GRIK2: variants seen among roughly 807,000 people sequenced by gnomAD.
The protein encoded by GRIK2 is glutamate receptor ionotropic, kainate 2.
Under a neutral mutation model 100.3 loss-of-function variants are expected in GRIK2, and 32 were observed. The observed-to-expected ratio is 0.32, with a 90% confidence interval of 0.24 to 0.43. The LOEUF (loss-of-function observed/expected upper bound fraction) is 0.43. Ranked by LOEUF, GRIK2 falls within the 20% of genes least tolerant of loss-of-function variation. The pLI, the probability that GRIK2 is intolerant of heterozygous loss-of-function variation, is 1.00. For synonymous variants in GRIK2, 417 were observed against 389.4 expected, an observed-to-expected ratio of 1.07 and a Z score of -0.83; for missense variants, 843 against 1,114.9, an observed-to-expected ratio of 0.76 and a Z score of 3.47.
At chr6:101,837,461 A>G (rs1042138275) in intron 10 of GRIK2, among the ~76,000 whole-genome samples, 1 of 152,202 alleles carries the variant, frequency 6.6e-6, no homozygotes, top group African/African-American at 2.4e-5. Flanking sequence ...TGATTGTGTT[A>G]ATCATTTCAT....
chr6:101,514,931 G>A (rs1358327979), intron 2 of GRIK2, among the ~76,000 whole-genome samples: 1 of 151,972 alleles, frequency 6.6e-6, no homozygotes, highest in African/African-American at 2.4e-5. Context: ...ATTGGGGTAC[G>A]GGAGGTACTT....
chr6:101,407,881 A>C (rs975923447), intron 2 of GRIK2, among the ~76,000 whole-genome samples: 2 of 152,178 alleles, frequency 1.3e-5, no homozygotes, highest in African/African-American at 4.8e-5. Context: ...TGCGGGCTTA[A>C]GTTTTTCCAG....
At chr6:101,945,147 T>C (rs533707412) in intron 14 of GRIK2, among the ~76,000 whole-genome samples, 2 of 152,118 alleles carry the variant, frequency 1.3e-5, no homozygotes, top group East Asian at 1.9e-4. Context: ...ACAACTTGGG[T>C]ATATGGAACT....
intron 2 of GRIK2, among the ~76,000 whole-genome samples, chr6:101,485,426 A>T (rs1772767453): frequency 6.6e-6 from 1 of 152,156 alleles, no homozygotes; most frequent in African/African-American, 2.4e-5. Context: ...TCCAAGCATA[A>T]ATATTTTTCT....
intron 5 of GRIK2, 109 bp from the exon 6 acceptor site, chr6:101,682,444 T>C (rs1771343256): frequency 1.5e-6 from 1 of 686,768 alleles, no homozygotes. Context: ...AACATGAATA[T>C]TGTAGGTTGA....
intron 10 of GRIK2, among the ~76,000 whole-genome samples, chr6:101,858,946 T>A (rs1317361616): frequency 6.6e-6 from 1 of 151,894 alleles, no homozygotes; most frequent in East Asian, 1.9e-4. Context: ...TGAAATTAGA[T>A]GTCGGATATG....
chr6:101,863,933 C>G (rs902422450), intron 11 of GRIK2, among the ~76,000 whole-genome samples: 2 of 150,966 alleles, frequency 1.3e-5, no homozygotes, highest in Non-Finnish European at 2.9e-5. Context: ...GTCAGGAGAT[C>G]GAGACCATCC....
chr6:101,550,422 A>G lies in GRIK2; in HGVS notation c.116-71527A>G, dbSNP rs183156937. Among the ~76,000 whole-genome samples, 224 of 152,348 alleles carry G rather than the reference A, an allele frequency of 1.5e-3. 3 individuals carry two copies. The highest frequency in any genetic ancestry group is 0.01 in the Middle Eastern group (3 of 294). On this transcript the variant is annotated intron_variant, in intron 2 of 16. Coordinates refer to ENST00000369134, the MANE Select transcript of GRIK2 (RefSeq NM_021956.5). ...GTGCAAAAATGAAATGATTTGCTCC[A>G]TCATTTAGTTTGCTTAATTTACAGC...
chr6:102,066,729 T>C (rs896784617), intron 16 of GRIK2, among the ~76,000 whole-genome samples: 2 of 151,600 alleles, frequency 1.3e-5, no homozygotes, highest in Admixed American at 6.6e-5. Flanking sequence ...AGAGAAGTCA[T>C]GATGGAAAAA....
At chr6:102,035,284 G>T in intron 14 of GRIK2, 57 bp from the exon 15 acceptor site, 2 of 895,152 alleles carry the variant, frequency 2.2e-6, no homozygotes, top group Non-Finnish European at 1.8e-6. Flanking sequence ...CATTATAGGA[G>T]CACATGGAAA....
At chr6:101,564,659 T>C (rs2128296823) in intron 2 of GRIK2, among the ~76,000 whole-genome samples, 1 of 152,284 alleles carries the variant, frequency 6.6e-6, no homozygotes, top group Admixed American at 6.5e-5. Context: ...CTCCTTGCGC[T>C]ATATAAACCC....
chr6:101,669,954 A>G (rs1265087641), intron 4 of GRIK2, among the ~76,000 whole-genome samples: 1 of 152,166 alleles, frequency 6.6e-6, no homozygotes, highest in East Asian at 1.9e-4. Context: ...AGAGAGGCTT[A>G]GAAGCTAAGA....
rs527858372 is a variant in GRIK2 at position 101,845,738 on chromosome 6, AT to A, written c.1318-13541del. Among the ~76,000 whole-genome samples the A allele has an allele frequency of 1.3e-4, 19 of 151,982 alleles. No individual in the cohort carries two copies. The East Asian group carries it at 1.9e-3, about 15-fold the overall frequency. On this transcript the variant is annotated intron_variant, in intron 10 of 16. Coordinates refer to ENST00000369134, the MANE Select transcript of GRIK2 (RefSeq NM_021956.5). ...TTTAACTTTTTGAGGAGCTGCCAATATTTTTTTTATAGCAGCTGCACAATTT... is the reference window on the plus strand; with the variant it reads ...TTTAACTTTTTGAGGAGCTGCCAATATTTTTTTATAGCAGCTGCACAATTT...
chr6:101,830,454 AT>A (rs912038094), intron 10 of GRIK2, among the ~76,000 whole-genome samples: 11 of 152,196 alleles, frequency 7.2e-5, no homozygotes, highest in Admixed American at 2.0e-4. Context: ...ATGCAAAAAA[AT>A]ATTTGCAAAC....
chr6:101,659,326 G>A (rs1344130530), intron 4 of GRIK2, among the ~76,000 whole-genome samples: 1 of 152,152 alleles, frequency 6.6e-6, no homozygotes, highest in African/African-American at 2.4e-5. Context: ...GCTTGCAGAT[G>A]TGTGATGTTA....
chr6:101,538,131 C>G (rs1412544305), intron 2 of GRIK2, among the ~76,000 whole-genome samples: 2 of 151,708 alleles, frequency 1.3e-5, no homozygotes, highest in Admixed American at 1.3e-4. Context: ...TGTGTTATTA[C>G]TGTAAAGTAC....
chr6:102,062,130 G>A (rs547237227), intron 16 of GRIK2, among the ~76,000 whole-genome samples: 11 of 149,932 alleles, frequency 7.3e-5, no homozygotes, highest in African/African-American at 2.7e-4. Context: ...GAGGATATTG[G>A]GTAACTGTTT....
intron 2 of GRIK2, among the ~76,000 whole-genome samples, chr6:101,521,699 G>T (rs1774891710): frequency 6.6e-6 from 1 of 151,778 alleles, no homozygotes; most frequent in South Asian, 2.1e-4. Context: ...GATAATTGTT[G>T]TCTAGTTTTC....
intron 2 of GRIK2, among the ~76,000 whole-genome samples, chr6:101,522,736 C>T (rs946800177): frequency 2.6e-5 from 4 of 152,030 alleles, no homozygotes; most frequent in South Asian, 4.2e-4. Flanking sequence ...CTCATAACCA[C>T]GTGTTCTTTC....
Sources: gnomAD v4.1 joint callset for allele counts (sites outside exome capture counted in the v4.1 genomes callset) on GRCh38, gnomAD v4.1.1 for gene constraint, MANE v1.5 for transcripts, NCBI Gene and HGNC (gene_info 2026-07-23, HGNC 2026-07-21) for gene names.